The following TNRC6C variants were observed in gnomAD, a reference collection of about 807,000 sequenced individuals.
The protein encoded by TNRC6C is trinucleotide repeat-containing gene 6C protein.
A neutral mutation model predicts 153.7 loss-of-function variants in TNRC6C; 20 were observed. The ratio of observed to expected loss-of-function variants is 0.13; its 90% CI spans 0.09 to 0.19. TNRC6C has a LOEUF of 0.19. Among genes scored for constraint, TNRC6C ranks in the 10% least tolerant of loss-of-function variants. The pLI, the probability that TNRC6C is intolerant of heterozygous loss-of-function variation, is 1.00. For synonymous variants in TNRC6C, 811 were observed against 841.4 expected, an observed-to-expected ratio of 0.96 and a Z score of 0.63; for missense variants, 1,987 against 2,172.0, an observed-to-expected ratio of 0.91 and a Z score of 1.69.
chr17:78,004,821 T>C (rs1347518344), upstream of TNRC6C, among the ~76,000 whole-genome samples: 1 of 152,180 alleles, frequency 6.6e-6, no homozygotes, highest in African/African-American at 2.4e-5. Context: ...GTTAAAATTA[T>C]AGAGTTTAAA....
At chr17:78,086,735 G>A in intron 12 of TNRC6C, 118 bp from the exon 15 acceptor site, 1 of 1,568,748 alleles carries the variant, frequency 6.4e-7, no homozygotes, top group Non-Finnish European at 8.7e-7. Flanking sequence ...TTTGGGAGGA[G>A]GTTGGCCTAG....
intron 3 of TNRC6C, among the ~76,000 whole-genome samples, chr17:78,059,956 G>T (rs1567944430): frequency 6.6e-6 from 1 of 152,050 alleles, no homozygotes; most frequent in African/African-American, 2.4e-5. Context: ...AATCAAAACT[G>T]TATAAGATGG....
intron 1 of TNRC6C, among the ~76,000 whole-genome samples, chr17:77,984,927 C>T (rs1370988374): frequency 6.6e-6 from 1 of 152,138 alleles, no homozygotes; most frequent in Non-Finnish European, 1.5e-5. Flanking sequence ...ACTATTTTTA[C>T]CCCTCTAAAA....
chr17:78,060,087 T>A (rs1231843499), intron 3 of TNRC6C, among the ~76,000 whole-genome samples: 2 of 152,138 alleles, frequency 1.3e-5, no homozygotes, highest in Non-Finnish European at 1.5e-5. Context: ...CCCGAATCTG[T>A]AACCCTCAAA....
rs1477232839 is a variant in TNRC6C, at chr17:78,102,775, T to A, written c.4572+231T>A. 3 of 515,184 alleles carry A rather than the reference T, an allele frequency of 5.8e-6. No individual in the cohort carries two copies. The East Asian group carries it at 1.0e-4, about 17-fold the overall frequency. The allele number at this position is 515,184 out of a possible 1,614,324, so 31.9% of individuals were successfully genotyped here. On this transcript the variant is annotated intron_variant, in intron 18 of 19. Coordinates refer to ENST00000301624, the Ensembl canonical transcript of TNRC6C. ...CCATGTTCCTGGTGAATTGTTTGTT[T>A]CCCCACCAGAGGCTGGAAAAGTGTG...
chr17:78,047,759 A>G (rs1410590425), intron 2 of TNRC6C, among the ~76,000 whole-genome samples: 2 of 152,234 alleles, frequency 1.3e-5, no homozygotes, highest in Non-Finnish European at 2.9e-5. Context: ...GGATTTCTAA[A>G]TCACATATGT....
intron 3 of TNRC6C, among the ~76,000 whole-genome samples, chr17:78,060,693 G>T (rs2144142959): frequency 6.6e-6 from 1 of 152,020 alleles, no homozygotes; most frequent in African/African-American, 2.4e-5. Flanking sequence ...GAGCCACCAT[G>T]CCTGGCCTAG....
At chr17:78,002,344 T>C (rs1182853345), upstream of TNRC6C, among the ~76,000 whole-genome samples, 7 of 152,300 alleles carry the variant, frequency 4.6e-5, no homozygotes, top group South Asian at 6.2e-4. Flanking sequence ...AAGGCACTTA[T>C]AGTCCAGAGG....
exon 2 of TNRC6C, chr17:78,031,757 A>G (rs1336206419): frequency 9.7e-6 from 12 of 1,232,180 alleles, no homozygotes; most frequent in Non-Finnish European, 1.2e-5. Context: ...GTGTGAGCCC[A>G]ACCCAGGGTG....
intron 1 of TNRC6C, among the ~76,000 whole-genome samples, chr17:78,007,804 T>G (rs1468949349): frequency 1.3e-5 from 2 of 152,244 alleles, no homozygotes; most frequent in African/African-American, 2.4e-5. Flanking sequence ...TAATTTTGGT[T>G]TTGATAATTA....
At chr17:77,966,279 G>A (rs1282683941) in intron 1 of TNRC6C, among the ~76,000 whole-genome samples, 1 of 152,160 alleles carries the variant, frequency 6.6e-6, no homozygotes, top group East Asian at 1.9e-4. Context: ...GGCTCCTTAG[G>A]AACCGTTGGT....
intron 1 of TNRC6C, among the ~76,000 whole-genome samples, chr17:77,997,731 A>G (rs1395402487): frequency 6.6e-6 from 1 of 151,662 alleles, no homozygotes; most frequent in East Asian, 1.9e-4. Flanking sequence ...ATCTCAGCTC[A>G]CTGCAAGCTC....
At chr17:78,006,823 TA>T (rs1209391820) in intron 1 of TNRC6C, among the ~76,000 whole-genome samples, 14 of 147,470 alleles carry the variant, frequency 9.5e-5, no homozygotes, top group African/African-American at 2.9e-4. Context: ...TTTATTTATT[TA>T]TTTATTTTTT....
intron 5 of TNRC6C, among the ~76,000 whole-genome samples, chr17:78,069,486 T>C (rs548724061): frequency 6.6e-6 from 1 of 152,204 alleles, no homozygotes; most frequent in Non-Finnish European, 1.5e-5. Context: ...TGGGCTCGAA[T>C]TGTCCTCCTG....
chr17:78,090,670 A>G (rs1272024257), intron 13 of TNRC6C, among the ~76,000 whole-genome samples: 1 of 152,214 alleles, frequency 6.6e-6, no homozygotes, highest in Non-Finnish European at 1.5e-5. Flanking sequence ...AGCTTAGTGC[A>G]GGTCCTGGAC....
chr17:78,103,282 T>G, intron 18 of TNRC6C, 132 bp from the exon 22 acceptor site: 6 of 1,070,066 alleles, frequency 5.6e-6, no homozygotes, highest in Non-Finnish European at 6.6e-6. Context: ...TAAAACCACA[T>G]ATTATTAGGC....
chr17:78,033,833 C>G (rs532714235), intron 2 of TNRC6C, among the ~76,000 whole-genome samples: 102 of 152,188 alleles, frequency 6.7e-4, no homozygotes, highest in African/African-American at 2.4e-3. Context: ...AAACAAAAAT[C>G]TTCATTTTAT....
chr17:78,071,926 G>A (rs922712580), intron 6 of TNRC6C, among the ~76,000 whole-genome samples: 1 of 152,190 alleles, frequency 6.6e-6, no homozygotes, highest in African/African-American at 2.4e-5. Context: ...GCGTTCCCCT[G>A]AAAATACCAC....
chr17:78,077,332 C>T lies in TNRC6C; in HGVS notation c.3208C>T (p.Gln1070Ter). Reference sequence around the variant, plus strand: ...CATGCAAAACTTGAATTCTTCTAGACAGGTAAGGCTGTTTGGAGAGAGCAA... The same window carrying T: ...CATGCAAAACTTGAATTCTTCTAGATAGGTAAGGCTGTTTGGAGAGAGCAA... The change falls in exon 9 of 20, where the codon CAG becomes TAG. Residue 1070 changes from glutamine (Q) to a stop codon, truncating the protein, a stop_gained and splice_region_variant. Transcript: ENST00000301624. LOFTEE classifies it high-confidence loss of function. The T allele has an allele frequency of 1.9e-6, 3 of 1,572,164 alleles. No homozygotes were observed. Among genetic ancestry groups the T allele is most frequent in the Non-Finnish European group, 2.6e-6 (3 of 1,158,118 alleles).
Sources: gnomAD v4.1 joint callset for allele counts (sites outside exome capture counted in the v4.1 genomes callset) on GRCh38, gnomAD v4.1.1 for gene constraint, MANE v1.5 for transcripts, NCBI Gene and HGNC (gene_info 2026-07-23, HGNC 2026-07-21) for gene names.